Variants in ITSN1 observed in about 807,000 individuals in gnomAD.
ITSN1 encodes intersectin 1, also known as intersectin-1.
ITSN1 carries 58 observed loss-of-function variants against 239.8 expected under a neutral mutation model. That is an observed-to-expected ratio of 0.24 (90% CI 0.20 to 0.30). ITSN1 has a LOEUF of 0.30. Among genes scored for constraint, ITSN1 ranks in the 10% least tolerant of loss-of-function variants. The pLI, the probability that ITSN1 is intolerant of heterozygous loss-of-function variation, is 1.00. For missense variants in ITSN1, 1,558 were observed against 2,103.3 expected (o/e 0.74, Z 5.07); for synonymous variants, 780 against 770.8 (o/e 1.01, Z -0.20).
At chr21:33,801,879 C>G (rs893990459) in intron 19 of ITSN1, among the ~76,000 whole-genome samples, 7 of 152,224 alleles carry the variant, frequency 4.6e-5, no homozygotes, top group Non-Finnish European at 1.0e-4. Context: ...GTGTTTCTGT[C>G]AGCTTTCCTC....
intron 32 of ITSN1, among the ~76,000 whole-genome samples, chr21:33,866,742 C>T (rs750511063): frequency 5.4e-4 from 82 of 152,320 alleles, no homozygotes; most frequent in Non-Finnish European, 1.0e-3. Flanking sequence ...TGTCTGAGCT[C>T]CTCTTTCTCA....
chr21:33,721,694 T>C (rs2065493166), intron 3 of ITSN1, among the ~76,000 whole-genome samples: 1 of 151,146 alleles, frequency 6.6e-6, no homozygotes, highest in Admixed American at 6.6e-5. Flanking sequence ...ACTTGGAGGC[T>C]GAGGCAGGAG....
intron 1 of ITSN1, among the ~76,000 whole-genome samples, chr21:33,697,813 TAA>T (rs949410312): frequency 1.1e-4 from 17 of 152,172 alleles, no homozygotes; most frequent in African/African-American, 4.1e-4. Context: ...CTAGAAGAAA[TAA>T]AGTCACTTTA....
At chr21:33,653,973 A>T (rs896326270) in intron 1 of ITSN1, among the ~76,000 whole-genome samples, 1 of 152,002 alleles carries the variant, frequency 6.6e-6, no homozygotes, top group African/African-American at 2.4e-5. Context: ...ATTGGCATGG[A>T]ACTTCTAAAA....
At chr21:33,750,824 TTTAA>T (rs775321912) in intron 6 of ITSN1, among the ~76,000 whole-genome samples, 10 of 152,230 alleles carry the variant, frequency 6.6e-5, no homozygotes, top group African/African-American at 2.2e-4. Flanking sequence ...AAGTTTCTGG[TTTAA>T]TTAATTCCAC....
At chr21:33,780,809 T>C (rs1013978295) in intron 14 of ITSN1, among the ~76,000 whole-genome samples, 1 of 152,226 alleles carries the variant, frequency 6.6e-6, no homozygotes, top group African/African-American at 2.4e-5. Context: ...AAGCAGATAC[T>C]GTTCTTGGCA....
At chr21:33,824,687 C>G (rs2073883898) in intron 25 of ITSN1, among the ~76,000 whole-genome samples, 2 of 152,176 alleles carry the variant, frequency 1.3e-5, no homozygotes, top group South Asian at 4.1e-4. Context: ...GTGCCCTGCT[C>G]TAGGAGTCCT....
chr21:33,880,360 C>A (rs979823292), intron 34 of ITSN1, among the ~76,000 whole-genome samples: 1 of 152,162 alleles, frequency 6.6e-6, no homozygotes, highest in Non-Finnish European at 1.5e-5. Context: ...CTTGCCTTCT[C>A]TGGATTATTT....
chr21:33,663,785 G>A (rs1270198992), intron 1 of ITSN1, among the ~76,000 whole-genome samples: 1 of 152,174 alleles, frequency 6.6e-6, no homozygotes, highest in Admixed American at 6.5e-5. Context: ...TGTATTTTTA[G>A]TAGAGACGGG....
intron 24 of ITSN1, among the ~76,000 whole-genome samples, chr21:33,823,106 C>G (rs773233330): frequency 6.6e-6 from 1 of 152,234 alleles, no homozygotes; most frequent in East Asian, 1.9e-4. Flanking sequence ...TGACCCAGTG[C>G]TCAGCACAGA....
chr21:33,701,943 C>G (rs1435873769), intron 1 of ITSN1, among the ~76,000 whole-genome samples: 2 of 151,846 alleles, frequency 1.3e-5, no homozygotes, highest in Admixed American at 1.3e-4. Flanking sequence ...TGGTGGGTGC[C>G]TATAATCCCA....
intron 22 of ITSN1, 157 bp downstream of exon 22, chr21:33,814,229 G>C: frequency 1.6e-6 from 1 of 622,388 alleles, no homozygotes; most frequent in South Asian, 2.3e-5. Context: ...CCAGAAATCT[G>C]CTGTGAATAG....
At chr21:33,885,588 C>A in intron 38 of ITSN1, 66 bp downstream of exon 38, 1 of 1,176,016 alleles carries the variant, frequency 8.5e-7, no homozygotes, top group Non-Finnish European at 1.3e-6. Flanking sequence ...TTCCCCACAC[C>A]CCCACCTGGC....
At chr21:33,856,153 A>T (rs1979283065) in intron 29 of ITSN1, among the ~76,000 whole-genome samples, 1 of 152,242 alleles carries the variant, frequency 6.6e-6, no homozygotes, top group Non-Finnish European at 1.5e-5. Context: ...GCAGTTCACC[A>T]CCTGACATGG....
At chr21:33,703,040 C>T (rs1266844303) in intron 1 of ITSN1, among the ~76,000 whole-genome samples, 5 of 151,740 alleles carry the variant, frequency 3.3e-5, no homozygotes, top group Non-Finnish European at 5.9e-5. Flanking sequence ...GAGCCGAGAT[C>T]GCACCACTGC....
chr21:33,709,403 C>G (rs1402242447), intron 1 of ITSN1, among the ~76,000 whole-genome samples: 1 of 152,072 alleles, frequency 6.6e-6, no homozygotes, highest in East Asian at 1.9e-4. Flanking sequence ...CTCCCGGGTT[C>G]AAGCGATTTT....
intron 20 of ITSN1, 100 bp downstream of exon 20, chr21:33,802,544 G>A: frequency 2.5e-6 from 3 of 1,208,236 alleles, no homozygotes; most frequent in Non-Finnish European, 3.7e-6. Context: ...TCTGGGTGTT[G>A]TTGCGGCAGT....
At chr21:33,658,023 C>G (rs924004396) in intron 1 of ITSN1, among the ~76,000 whole-genome samples, 1 of 152,118 alleles carries the variant, frequency 6.6e-6, no homozygotes, top group Admixed American at 6.6e-5. Flanking sequence ...TCCCCCAAAA[C>G]GTAACTACTA....
At chr21:33,832,086 T>C (rs2074325836) in intron 27 of ITSN1, among the ~76,000 whole-genome samples, 1 of 152,174 alleles carries the variant, frequency 6.6e-6, no homozygotes, top group Non-Finnish European at 1.5e-5. Flanking sequence ...CTCTCCCCGG[T>C]GCAGCCTCAC....
Sources: allele counts gnomAD v4.1 joint callset (sites outside exome capture counted in the v4.1 genomes callset), GRCh38; gene constraint gnomAD v4.1.1; transcripts MANE v1.5; gene names NCBI Gene and HGNC (gene_info 2026-07-23, HGNC 2026-07-21).